Variants in ZNF679 observed in about 807,000 individuals in gnomAD.
The protein encoded by ZNF679 is hypothetical protein MGC42415.
Under a neutral mutation model 13.4 loss-of-function variants are expected in ZNF679, and 10 were observed. The ratio of observed to expected loss-of-function variants is 0.75; its 90% CI spans 0.46 to 1.27. The LOEUF (loss-of-function observed/expected upper bound fraction) is 1.27. Among genes scored for constraint, ZNF679 ranks in the 50% most tolerant of loss-of-function variants. The pLI is 0.00. For synonymous variants in ZNF679, 179 were observed against 162.5 expected, an observed-to-expected ratio of 1.10 and a Z score of -0.77; for missense variants, 525 against 477.8, an observed-to-expected ratio of 1.10 and a Z score of -0.92.
At position 64,260,167 on chromosome 7, in the gene ZNF679, A is replaced by T. The variant is rs1788055815; in HGVS notation, c.40-54A>T. 8.0e-6 allele frequency: 12 copies of T among 1,504,586 alleles called. No homozygotes were observed. In the South Asian group the frequency reaches 1.5e-4, roughly 19 times the overall value. The allele number at this position is 1,504,586 out of a possible 1,614,324, so 93.2% of individuals were successfully genotyped here. ...TAAAAATCTCTGCCTACGGCCACAT[A>T]GTAAGTGTTTGTGTGTTCATGAGTG... On this transcript the variant is annotated intron_variant, in intron 2 of 4. Coordinates refer to ENST00000421025, the MANE Select transcript of ZNF679 (RefSeq NM_153363.3).
intron 2 of ZNF679, among the ~76,000 whole-genome samples, chr7:64,256,525 G>A (rs879746256): frequency 1.3e-5 from 2 of 151,920 alleles, no homozygotes; most frequent in Admixed American, 6.6e-5. Context: ...AAATTTATAC[G>A]CTCTCCAGCA....
chr7:64,254,514 T>C (rs773512308), intron 2 of ZNF679, among the ~76,000 whole-genome samples: 23 of 152,086 alleles, frequency 1.5e-4, no homozygotes, highest in Non-Finnish European at 3.1e-4. Flanking sequence ...TCCATTTCAC[T>C]GTTTCTTGGT....
At chr7:64,262,030 ATTT>A (rs1035877160) in intron 4 of ZNF679, among the ~76,000 whole-genome samples, 6 of 151,852 alleles carry the variant, frequency 4.0e-5, no homozygotes, top group Non-Finnish European at 8.8e-5. Flanking sequence ...CTAATTTTGT[ATTT>A]TTAGTAGAGA....
intron 2 of ZNF679, among the ~76,000 whole-genome samples, chr7:64,256,552 T>C (rs985709591): frequency 2.1e-5 from 3 of 143,982 alleles, no homozygotes; most frequent in Non-Finnish European, 3.0e-5. Context: ...AAGCATTCCA[T>C]TTCTCCACAA....
intron 1 of ZNF679, among the ~76,000 whole-genome samples, chr7:64,232,567 C>G (rs1379410597): frequency 6.6e-6 from 1 of 152,100 alleles, no homozygotes; most frequent in Non-Finnish European, 1.5e-5. Context: ...GTCACAATAC[C>G]CACTGTAAGC....
rs1159036592 is a variant in ZNF679, at chr7:64,266,501, C to A, written c.868C>A (p.His290Asn). The A allele has an allele frequency of 6.2e-7, 1 of 1,613,528 alleles. No homozygotes were observed. The highest frequency in any genetic ancestry group is 2.2e-5 in the East Asian group (1 of 44,810). Reference protein sequence around the residue: ...SSTLANHKRIHTGEKPYTCEE... With the variant: ...SSTLANHKRINTGEKPYTCEE... ...AACACTTGCTAACCACAAGAGAATT[C>A]ATACTGGAGAGAAACCATACACATG... Residue 290 changes from histidine (H) to asparagine (N), a missense_variant, in exon 5 of 5, where the codon CAT (histidine) becomes AAT (asparagine). Coordinates refer to ENST00000421025, the MANE Select transcript of ZNF679 (RefSeq NM_153363.3).
At chr7:64,265,809 C>G (rs1562848866) in intron 4 of ZNF679, 87 bp from the exon 5 acceptor site, 2 of 1,443,902 alleles carry the variant, frequency 1.4e-6, no homozygotes, top group Non-Finnish European at 9.2e-7. Context: ...TGCTAAAGTA[C>G]CTTGTATAAT....
chr7:64,265,771 T>C (rs545184779), intron 4 of ZNF679, 125 bp from the exon 5 acceptor site: 2 of 1,041,838 alleles, frequency 1.9e-6, no homozygotes, highest in African/African-American at 3.2e-5. Flanking sequence ...GAAGGAATTA[T>C]GGCCTGTGGT....
chr7:64,230,991 T>C (rs1219723648), intron 1 of ZNF679, among the ~76,000 whole-genome samples: 1 of 152,216 alleles, frequency 6.6e-6, no homozygotes, highest in East Asian at 1.9e-4. Context: ...AGCTCAGCAG[T>C]GACTGGGCTG....
intron 1 of ZNF679, among the ~76,000 whole-genome samples, chr7:64,232,120 G>A (rs1202315724): frequency 6.6e-6 from 1 of 152,228 alleles, no homozygotes; most frequent in African/African-American, 2.4e-5. Context: ...GGAGGTGGAG[G>A]TTGCAGTGAG....
Position 64,248,904 on chromosome 7 carries a change from G to A in ZNF679, c.-90-124G>A, listed in dbSNP as rs903760569. 45 of 688,292 alleles carry A rather than the reference G, an allele frequency of 6.5e-5. No homozygotes were observed. In the Middle Eastern group the frequency reaches 1.2e-3, roughly 19 times the overall value. 42.6% of individuals were successfully genotyped at this position (688,292 alleles called of 1,614,324 possible). A position where few individuals can be genotyped will look rare whatever the true frequency, so the allele number is the denominator to read the frequency against. On this transcript the variant is annotated intron_variant, in intron 1 of 4. Coordinates refer to ENST00000421025, the MANE Select transcript of ZNF679 (RefSeq NM_153363.3). ...ATTTTTCGTCACTCAGGGCGTGAAG[G>A]GTGGGTCCTGAAACCTTATCCAATC...
chr7:64,252,057 A>C lies in ZNF679; in HGVS notation c.39+2901A>C, dbSNP rs146758078. Among the ~76,000 whole-genome samples, 768 of 152,314 alleles carry C rather than the reference A, an allele frequency of 5.0e-3. 7 individuals carry two copies. The highest frequency in any genetic ancestry group is 0.017 in the African/African-American group (725 of 41,564). The stretch of plus-strand genomic sequence containing the variant: ...AAAAAAACTATTTCTAAAGGCAAGA[A>C]AAACTGACCCCAATAAGATGGTGCA... On this transcript the variant is annotated intron_variant, in intron 2 of 4. Transcript: ENST00000421025.
rs778096955 is a variant in ZNF679, at chr7:64,260,495, T to G, written c.166+148T>G. ...GGATTCATTGGTGTAGAACAAATTCTTCAAGATGTTTTATCTTGACCTGAA... is the reference window on the plus strand; with the variant it reads ...GGATTCATTGGTGTAGAACAAATTCGTCAAGATGTTTTATCTTGACCTGAA... On this transcript the variant is annotated intron_variant, in intron 3 of 4. Coordinates refer to ENST00000421025, the MANE Select transcript of ZNF679 (RefSeq NM_153363.3). The G allele has an allele frequency of 4.5e-5, 58 of 1,301,196 alleles. No homozygotes were observed. In the East Asian group the frequency reaches 6.2e-4, roughly 14 times the overall value. The allele number at this position is 1,301,196 out of a possible 1,614,324, so 80.6% of individuals were successfully genotyped here. A position where few individuals can be genotyped will look rare whatever the true frequency, so the allele number is the denominator to read the frequency against.
At chr7:64,263,901 C>A (rs2115615972) in intron 4 of ZNF679, among the ~76,000 whole-genome samples, 1 of 152,118 alleles carries the variant, frequency 6.6e-6, no homozygotes, top group South Asian at 2.1e-4. Context: ...TAATGTTTTT[C>A]AGGTTTTCTG....
At chr7:64,240,643 T>C (rs1787786008) in intron 1 of ZNF679, among the ~76,000 whole-genome samples, 1 of 152,122 alleles carries the variant, frequency 6.6e-6, no homozygotes, top group Non-Finnish European at 1.5e-5. Flanking sequence ...ATAAATGCAA[T>C]CCAGACTTGG....
chr7:64,252,288 T>C (rs2116533575), intron 2 of ZNF679, among the ~76,000 whole-genome samples: 1 of 152,312 alleles, frequency 6.6e-6, no homozygotes, highest in South Asian at 2.1e-4. Flanking sequence ...GAAAAGATAT[T>C]TTCACTTCTT....
intron 2 of ZNF679, among the ~76,000 whole-genome samples, chr7:64,252,630 G>A (rs1334623642): frequency 2.0e-5 from 3 of 152,172 alleles, no homozygotes; most frequent in Non-Finnish European, 2.9e-5. Flanking sequence ...GATAACTGGG[G>A]AATTACATAG....
rs1375904192 is a variant in ZNF679, at chr7:64,249,128, G to T, written c.11G>T (p.Arg4Ile). 6.2e-7 allele frequency: 1 copy of T among 1,614,112 alleles called. No individual in the cohort carries two copies. The highest frequency in any genetic ancestry group is 8.5e-7 in the Non-Finnish European group (1 of 1,180,020). MAK[R>I]PGSPGSREMG... ...GGTATCCGCAGATTTATGGCTAAAAGACCGGGATCCCCTGGAAGCCGAGAA... is the reference window on the plus strand; with the variant it reads ...GGTATCCGCAGATTTATGGCTAAAATACCGGGATCCCCTGGAAGCCGAGAA... Residue 4 changes from arginine to isoleucine, a missense_variant, in exon 2 of 5, where the codon AGA becomes ATA. Arg to Ile is a moderately conservative substitution (Grantham distance 97). Coordinates refer to ENST00000421025, the MANE Select transcript of ZNF679 (RefSeq NM_153363.3).
At chr7:64,262,563 A>C (rs558125426) in intron 4 of ZNF679, among the ~76,000 whole-genome samples, 3 of 152,260 alleles carry the variant, frequency 2.0e-5, no homozygotes, top group East Asian at 3.9e-4. Flanking sequence ...TTGTCTGTTG[A>C]AGGGATTATA....
Sources: allele counts gnomAD v4.1 joint callset (sites outside exome capture counted in the v4.1 genomes callset), GRCh38; gene constraint gnomAD v4.1.1; transcripts MANE v1.5; gene names NCBI Gene and HGNC (gene_info 2026-07-23, HGNC 2026-07-21).